The following TYR variants were observed in gnomAD, a reference collection of about 807,000 sequenced individuals.
The protein encoded by TYR is tyrosinase.
In TYR, 58 loss-of-function variants were observed where a neutral mutation model predicts 51.5. The observed-to-expected ratio is 1.13, with a 90% CI of 0.91 to 1.40. TYR has a LOEUF of 1.40. Among genes scored for constraint, TYR ranks in the 40% most tolerant of loss-of-function variants. TYR has a pLI of 0.00. For synonymous variants in TYR, 263 were observed against 235.2 expected (o/e 1.12, Z -1.08); for missense variants, 732 against 647.4 (o/e 1.13, Z -1.42).
chr11:89,186,678 A>ACACCTCTCACCC (rs1210790597), intron 1 of TYR, among the ~76,000 whole-genome samples: 2 of 152,188 alleles, frequency 1.3e-5, no homozygotes, highest in Non-Finnish European at 2.9e-5. Flanking sequence ...CACGGTGCAC[A>ACACCTCTCACCC]GGTGATTACA....
chr11:89,256,536 C>T (rs1386248496), intron 3 of TYR, among the ~76,000 whole-genome samples: 1 of 151,548 alleles, frequency 6.6e-6, no homozygotes, highest in African/African-American at 2.4e-5. Flanking sequence ...TGAGAAAAAA[C>T]AGAAACAATG....
chr11:89,224,388 T>C (rs1943951180), intron 2 of TYR, among the ~76,000 whole-genome samples: 1 of 152,144 alleles, frequency 6.6e-6, no homozygotes, highest in South Asian at 2.1e-4. Flanking sequence ...AAAATATAAA[T>C]AACTTGACAA....
intron 3 of TYR, among the ~76,000 whole-genome samples, chr11:89,251,609 T>G (rs1944331305): frequency 6.6e-6 from 1 of 151,838 alleles, no homozygotes; most frequent in Non-Finnish European, 1.5e-5. Flanking sequence ...ATACAAAGCA[T>G]ATTTATTGAA....
intron 2 of TYR, 128 bp downstream of exon 2, chr11:89,191,546 C>T: frequency 3.5e-6 from 3 of 862,132 alleles, no homozygotes; most frequent in Non-Finnish European, 5.5e-6. Flanking sequence ...GTTGTATATA[C>T]TTATATCGAC....
chr11:89,205,738 G>A (rs530923314), intron 2 of TYR, among the ~76,000 whole-genome samples: 67 of 152,078 alleles, frequency 4.4e-4, no homozygotes, highest in African/African-American at 1.5e-3. Flanking sequence ...AAAAAAAATG[G>A]TTAATAGAAG....
At chr11:89,257,770 G>A (rs541662158) in intron 3 of TYR, among the ~76,000 whole-genome samples, 4 of 152,028 alleles carry the variant, frequency 2.6e-5, no homozygotes, top group South Asian at 2.1e-4. Context: ...GCTGGCCAAC[G>A]CTCTCTACCT....
intron 2 of TYR, among the ~76,000 whole-genome samples, chr11:89,226,189 G>C (rs59440917): frequency 6.6e-6 from 1 of 152,006 alleles, no homozygotes; most frequent in Non-Finnish European, 1.5e-5. Context: ...TTGCTACATA[G>C]CAAAGGAAGT....
chr11:89,289,395 C>T (rs559210709), intron 4 of TYR, among the ~76,000 whole-genome samples: 1 of 151,916 alleles, frequency 6.6e-6, no homozygotes, highest in African/African-American at 2.4e-5. Context: ...GGATGGATTG[C>T]CATCAACATT....
At chr11:89,293,486 A>G (rs1252821747) in intron 4 of TYR, among the ~76,000 whole-genome samples, 2 of 152,158 alleles carry the variant, frequency 1.3e-5, no homozygotes, top group Non-Finnish European at 2.9e-5. Context: ...ACATCATTTT[A>G]TGAATACGTT....
chr11:89,202,475 T>G (rs765684518), intron 2 of TYR, among the ~76,000 whole-genome samples: 2 of 152,264 alleles, frequency 1.3e-5, no homozygotes, highest in Admixed American at 6.5e-5. Context: ...TCTAATTGGC[T>G]ATTACAAATT....
chr11:89,248,415 T>G (rs1944292490), intron 3 of TYR, among the ~76,000 whole-genome samples: 1 of 152,128 alleles, frequency 6.6e-6, no homozygotes, highest in Non-Finnish European at 1.5e-5. Context: ...GGAAATGACC[T>G]GTAATTTGAC....
intron 3 of TYR, among the ~76,000 whole-genome samples, chr11:89,236,614 G>A (rs1210327654): frequency 6.6e-6 from 1 of 152,136 alleles, no homozygotes; most frequent in African/African-American, 2.4e-5. Context: ...AATATTGTGT[G>A]GCATCTGAGC....
chr11:89,255,759 T>G lies in TYR; in HGVS notation c.1184+27789T>G, dbSNP rs571640281. On this transcript the variant is annotated intron_variant, in intron 3 of 4. Coordinates refer to ENST00000263321, the MANE Select transcript of TYR (RefSeq NM_000372.5). ...TAGGTTCTGTAGTGATGCTGCTAAT[T>G]TATTCTTGTTGGTGGTAATTTCTAT... Among the ~76,000 whole-genome samples the G allele has an allele frequency of 3.3e-5, 5 of 151,874 alleles. No homozygotes were observed. In the East Asian group the frequency reaches 9.7e-4, roughly 29 times the overall value.
intron 2 of TYR, among the ~76,000 whole-genome samples, chr11:89,202,335 C>CCTT (rs891077420): frequency 6.6e-6 from 1 of 151,868 alleles, no homozygotes; most frequent in African/African-American, 2.4e-5. Context: ...CCACACACAA[C>CCTT]CTTCTAGTAT....
At chr11:89,198,784 G>A (rs1442792141) in intron 2 of TYR, among the ~76,000 whole-genome samples, 12 of 137,184 alleles carry the variant, frequency 8.7e-5, no homozygotes, top group African/African-American at 4.0e-4. Context: ...TATACTTTAA[G>A]TTCTAGGGTA....
At chr11:89,288,308 T>C (rs992712846) in intron 4 of TYR, among the ~76,000 whole-genome samples, 2 of 151,998 alleles carry the variant, frequency 1.3e-5, no homozygotes, top group African/African-American at 4.8e-5. Context: ...AATTTTAAAC[T>C]ACAAAGCTAG....
intron 2 of TYR, among the ~76,000 whole-genome samples, chr11:89,224,878 T>C (rs1468596504): frequency 6.6e-6 from 1 of 152,148 alleles, no homozygotes; most frequent in Non-Finnish European, 1.5e-5. Flanking sequence ...ATTGCTTTTA[T>C]CAAATAATTC....
chr11:89,180,846 C>G (rs1175320000), intron 1 of TYR, among the ~76,000 whole-genome samples: 3 of 152,072 alleles, frequency 2.0e-5, no homozygotes, highest in African/African-American at 4.8e-5. Flanking sequence ...CTTCACACAG[C>G]CTCTCTGGTT....
chr11:89,290,921 A>G (rs866474996), intron 4 of TYR, among the ~76,000 whole-genome samples: 2 of 152,036 alleles, frequency 1.3e-5, no homozygotes, highest in Non-Finnish European at 2.9e-5. Flanking sequence ...TTTGTTAGAA[A>G]GAATCCATTT....
Sources: gnomAD v4.1 joint callset for allele counts (sites outside exome capture counted in the v4.1 genomes callset) on GRCh38, gnomAD v4.1.1 for gene constraint, MANE v1.5 for transcripts, NCBI Gene and HGNC (gene_info 2026-07-23, HGNC 2026-07-21) for gene names.